PXDN: variants seen among roughly 807,000 people sequenced by gnomAD.
The protein encoded by PXDN is peroxidasin.
A neutral mutation model predicts 140.3 loss-of-function variants in PXDN; 77 were observed. The observed-to-expected ratio is 0.55, with a 90% CI of 0.46 to 0.66. The LOEUF (loss-of-function observed/expected upper bound fraction) is 0.66, where lower values mean the gene tolerates loss of function less well. Ranked by LOEUF, PXDN falls within the 30% of genes least tolerant of loss-of-function variation. The pLI is 0.00. For synonymous variants in PXDN, 911 were observed against 857.4 expected, an observed-to-expected ratio of 1.06 and a Z score of -1.09; for missense variants, 1,838 against 2,039.5, an observed-to-expected ratio of 0.90 and a Z score of 1.90.
Position 1,635,529 on chromosome 2 carries a change from A to T in PXDN, c.4207-8T>A. ...TGATTCAAGTTTCTTTATCTGCAGC[A>T]ATGCAAAGAACATTCATTCATTGGG... On this transcript the variant is annotated splice_polypyrimidine_tract_variant and splice_region_variant and intron_variant, in intron 21 of 22. Transcript: ENST00000252804. 1 of 1,565,860 alleles carries T rather than the reference A, an allele frequency of 6.4e-7. No individual in the cohort carries two copies. The highest frequency in any genetic ancestry group is 2.3e-5 in the East Asian group (1 of 43,126).
At position 1,644,718 on chromosome 2, in the gene PXDN, G is replaced by A. The variant is rs866014258; in HGVS notation, c.3643C>T (p.Pro1215Ser). 1.3e-6 allele frequency: 2 copies of A among 1,593,922 alleles called. No homozygotes were observed. Among genetic ancestry groups the A allele is most frequent in the Non-Finnish European group, 1.7e-6 (2 of 1,167,336 alleles). ...YGSTLNIDLF[P>S]ALVVEDLVPG... ...ACCAGGTCCTCCACCACGAGCGCCGGAAACAGGTCGATGTTGAGTGTCGAG... is the reference window on the plus strand; with the variant it reads ...ACCAGGTCCTCCACCACGAGCGCCGAAAACAGGTCGATGTTGAGTGTCGAG... The change falls in exon 18 of 23, where the codon CCG becomes TCG. Residue 1215 changes from proline to serine, a missense_variant. Physicochemically the swap from Pro to Ser is moderately conservative, Grantham distance 74 (BLOSUM62 -1). Coordinates refer to ENST00000252804, the MANE Select transcript of PXDN (RefSeq NM_012293.3).
rs1024243785 is a variant in PXDN at position 1,633,503 on chromosome 2, T to C, written c.*701A>G. ...CTGACACACGGAGAGTCACAGGCTA[T>C]ACAGCTGCTTCGAGCAGCGGGAATG... On this transcript the variant is annotated 3_prime_UTR_variant, in exon 23 of 23. Coordinates refer to ENST00000252804, the MANE Select transcript of PXDN (RefSeq NM_012293.3). 5 of 152,050 alleles carry C rather than the reference T, an allele frequency of 3.3e-5. No homozygotes were observed. Among genetic ancestry groups the C allele is most frequent in the African/African-American group, 9.7e-5 (4 of 41,394 alleles). The allele number at this position is 152,050 out of a possible 1,614,324, so 9.4% of individuals were successfully genotyped here.
rs80058563 is a variant in PXDN, at chr2:1,660,373, G to A, written c.1837+508C>T. 3.5e-3 allele frequency among the ~76,000 whole-genome samples: 526 copies of A among 152,226 alleles called. 6 individuals are homozygous for A. The highest frequency in any genetic ancestry group is 0.019 in the East Asian group (96 of 5,164). On this transcript the variant is annotated intron_variant, in intron 14 of 22. Coordinates refer to ENST00000252804, the MANE Select transcript of PXDN (RefSeq NM_012293.3). The surrounding 1 kb of genome is among the most constrained non-coding windows in gnomAD (Gnocchi z 4.6). The stretch of plus-strand genomic sequence containing the variant: ...ACAGATGCAGGCATGGAGTCAGGAC[G>A]GCTCTAGGACCACCGACTGGATCTA...
chr2:1,650,343 C>A (rs1236318149), intron 16 of PXDN, among the ~76,000 whole-genome samples: 1 of 152,250 alleles, frequency 6.6e-6, no homozygotes, highest in Non-Finnish European at 1.5e-5. Context: ...CACACGCCCT[C>A]CCCACAGCAA....
At chr2:1,744,031 C>T (rs2125500539) in intron 1 of PXDN, among the ~76,000 whole-genome samples, 1 of 152,220 alleles carries the variant, frequency 6.6e-6, no homozygotes, top group African/African-American at 2.4e-5. Flanking sequence ...TCTGTTCCGC[C>T]CCTCGGCGTC....
rs1409019205 is a variant in PXDN at position 1,743,499 on chromosome 2, T to TG, written c.200+756dup. On this transcript the variant is annotated intron_variant, in intron 1 of 22. Coordinates refer to ENST00000252804, the MANE Select transcript of PXDN (RefSeq NM_012293.3). ...CCCAGGAGAGGACGCTCCGGGCAGA[T>TG]GCGGGGGCACTGGGAGCGGGGGCGC... Among the ~76,000 whole-genome samples, 754 of 150,940 alleles carry TG rather than the reference T, an allele frequency of 5.0e-3. 6 individuals are homozygous for TG. The highest frequency in any genetic ancestry group is 0.034 in the South Asian group (162 of 4,718).
intron 1 of PXDN, among the ~76,000 whole-genome samples, chr2:1,733,748 CAAAAAAAA>C (rs72208257): frequency 6.3e-5 from 5 of 79,250 alleles, no homozygotes; most frequent in African/African-American, 5.2e-5. Flanking sequence ...TGTCAAATGA[CAAAAAAAA>C]AAAAAAAAAA....
chr2:1,713,379 C>A (rs77372323), intron 1 of PXDN, among the ~76,000 whole-genome samples: 2 of 152,198 alleles, frequency 1.3e-5, no homozygotes, highest in African/African-American at 2.4e-5. Context: ...CGAAAAGAAG[C>A]AGGTGGATCT....
In PXDN at chr2:1,649,215, G is replaced by T; in HGVS notation, c.2565C>A (p.Pro855=). Residue 855 remains proline, a synonymous_variant, in exon 17 of 23, where the codon CCC becomes CCA. Coordinates refer to ENST00000252804, the MANE Select transcript of PXDN (RefSeq NM_012293.3). This position sits in a 1 kb window ranked among gnomAD's most constrained non-coding sequence, Gnocchi z 7.1. The part of the protein sequence containing the change: ...QHCSNVCSND[P]PCFSVMIPPN... ...GGGGGATCATGACAGAGAAGCAGGGGGGGTCGTTGCTGCACACGTTGCTGC... is the reference window on the plus strand; with the variant it reads ...GGGGGATCATGACAGAGAAGCAGGGTGGGTCGTTGCTGCACACGTTGCTGC... 6.2e-7 allele frequency: 1 copy of T among 1,603,036 alleles called. No homozygotes were observed. The highest frequency in any genetic ancestry group is 8.5e-7 in the Non-Finnish European group (1 of 1,173,994).
rs1683063437 is a variant in PXDN, at chr2:1,653,634, C to T, written c.2098G>A (p.Gly700Arg). The change falls in exon 16 of 23, where the codon GGA becomes AGA. Residue 700 changes from glycine to arginine, a missense_variant. By Grantham distance (125) the Gly-to-Arg change is moderately radical. Around this residue, in one of 5 missense-constraint regions of PXDN, gnomAD observed 537 missense variants for 583.9 expected, o/e 0.92. Transcript: ENST00000252804. ...AAAAGGCTTTGGCACTGACTTGTTC[C>T]GTTGAGGTCGACCATCAAGCCATGC... Reference protein sequence around the residue: ...VQHGLMVDLNGTSYHYNDLVS... With the variant: ...VQHGLMVDLNRTSYHYNDLVS... 2 of 1,612,632 alleles carry T rather than the reference C, an allele frequency of 1.2e-6. No individual in the cohort carries two copies. The highest frequency in any genetic ancestry group is 1.7e-6 in the Non-Finnish European group (2 of 1,179,460).
At chr2:1,673,593 A>G (rs538444562) in intron 9 of PXDN, 50 bp downstream of exon 9, 17 of 1,567,008 alleles carry the variant, frequency 1.1e-5, no homozygotes, top group Non-Finnish European at 1.4e-5. Flanking sequence ...GCAGATAGTG[A>G]GGGACGACAA....
At chr2:1,727,832 T>G (rs1231868424) in intron 1 of PXDN, among the ~76,000 whole-genome samples, 1 of 152,270 alleles carries the variant, frequency 6.6e-6, no homozygotes, top group Non-Finnish European at 1.5e-5. Flanking sequence ...AGAGTTGATC[T>G]AGTCTGAAAG....
At position 1,687,221 on chromosome 2, in the gene PXDN, G is replaced by T. The variant is rs1684081371; in HGVS notation, c.416+411C>A. Among the ~76,000 whole-genome samples the T allele has an allele frequency of 6.6e-6, 1 of 152,276 alleles. No homozygotes were observed. On this transcript the variant is annotated intron_variant, in intron 4 of 22. Transcript: ENST00000252804. The surrounding 1 kb of genome is among the most constrained non-coding windows in gnomAD (Gnocchi z 4.0). Reference sequence around the variant, plus strand: ...GTGTTCACAGTCATAAGGAGGAACAGTGAACGAGGCAAAGAGCCCTCTCCT... The same window carrying T: ...GTGTTCACAGTCATAAGGAGGAACATTGAACGAGGCAAAGAGCCCTCTCCT...
chr2:1,676,887 G>A (rs535676954), intron 8 of PXDN, 40 bp downstream of exon 8: 75 of 1,559,074 alleles, frequency 4.8e-5, no homozygotes, highest in East Asian at 1.9e-4. Context: ...GTGTAACTCC[G>A]AGAGATGCAC....
At chr2:1,698,788 T>C (rs999652888) in intron 1 of PXDN, among the ~76,000 whole-genome samples, 2 of 152,158 alleles carry the variant, frequency 1.3e-5, no homozygotes, top group Non-Finnish European at 2.9e-5. Flanking sequence ...TTAGGGAACG[T>C]CGACGCCAAC....
At chr2:1,635,787 G>A (rs1166116517) in intron 21 of PXDN, 3 of 457,328 alleles carry the variant, frequency 6.6e-6, no homozygotes, top group Non-Finnish European at 1.2e-5. Context: ...AGGACTGTGG[G>A]AGCAAGATTC....
chr2:1,638,690 G>A (rs183283107), intron 21 of PXDN, among the ~76,000 whole-genome samples, 156 bp downstream of exon 21: 13 of 152,242 alleles, frequency 8.5e-5, no homozygotes, highest in Middle Eastern at 3.4e-3. Flanking sequence ...CTGACCCAGC[G>A]TGCAGAAATG....
chr2:1,695,248 G>A (rs959885002), intron 1 of PXDN, among the ~76,000 whole-genome samples: 9 of 152,220 alleles, frequency 5.9e-5, no homozygotes, highest in Non-Finnish European at 1.2e-4. Context: ...ATCTGAAGTC[G>A]GTGCCACCAA....
At chr2:1,744,558 C>CG (rs907970488), upstream of PXDN, 12 of 995,000 alleles carry the variant, frequency 1.2e-5, no homozygotes, top group East Asian at 1.9e-4. Flanking sequence ...GCGCGGGGGG[C>CG]GGGGGGCGCC....
Sources: allele counts gnomAD v4.1 joint callset (sites outside exome capture counted in the v4.1 genomes callset), GRCh38; gene constraint gnomAD v4.1.1; regional missense constraint gnomAD v4.1.1; non-coding constraint Gnocchi (gnomAD v3.1); transcripts MANE v1.5; gene names NCBI Gene and HGNC (gene_info 2026-07-23, HGNC 2026-07-21).